Variants in SYT2 observed in about 807,000 individuals in gnomAD.
SYT2 encodes the protein synaptotagmin-2.
Under a neutral mutation model 39.9 loss-of-function variants are expected in SYT2, and 15 were observed. The ratio of observed to expected loss-of-function variants is 0.38; its 90% confidence interval spans 0.25 to 0.58. The LOEUF (loss-of-function observed/expected upper bound fraction) is 0.58. Ranked by LOEUF, SYT2 falls within the 20% of genes least tolerant of loss-of-function variation. The pLI is 0.70. For missense variants in SYT2, 389 were observed against 530.3 expected (o/e 0.73, Z 2.62); for synonymous variants, 181 against 204.5 (o/e 0.89, Z 0.98).
chr1:202,624,874 GTGAT>G (rs1483382504), intron 1 of SYT2, among the ~76,000 whole-genome samples: 2 of 143,980 alleles, frequency 1.4e-5, no homozygotes, highest in Middle Eastern at 4.1e-3. Flanking sequence ...TGGTGTGTGT[GTGAT>G]GTGTGCCTGT....
chr1:202,657,832 G>A (rs952041852), intron 1 of SYT2, among the ~76,000 whole-genome samples: 7 of 150,024 alleles, frequency 4.7e-5, no homozygotes, highest in African/African-American at 7.6e-5. Context: ...AGGGCCCTGC[G>A]GAGAGCTCAG....
intron 1 of SYT2, among the ~76,000 whole-genome samples, chr1:202,680,847 T>C (rs1371946358): frequency 1.3e-5 from 2 of 152,324 alleles, no homozygotes; most frequent in South Asian, 2.1e-4. Flanking sequence ...AGAGCTTGCA[T>C]GTGGATTTCC....
rs1274031561 is a variant in SYT2, at chr1:202,641,691, C to T, written c.-17-35902G>A. Among the ~76,000 whole-genome samples, 7 of 152,258 alleles carry T rather than the reference C, an allele frequency of 4.6e-5. No homozygotes were observed. In the South Asian group the frequency reaches 6.2e-4, roughly 14 times the overall value. ...TATTGTAGTGGAGATCTTTCTAAAA[C>T]GAGACAATTCCTTCAGATCTTCCTT... On this transcript the variant is annotated intron_variant, in intron 1 of 8. Transcript: ENST00000367268.
chr1:202,622,478 A>C (rs1353302868), intron 1 of SYT2, among the ~76,000 whole-genome samples: 1 of 152,188 alleles, frequency 6.6e-6, no homozygotes, highest in East Asian at 1.9e-4. Flanking sequence ...GAGAGTTGGA[A>C]CGTCCTTCTA....
intron 1 of SYT2, among the ~76,000 whole-genome samples, chr1:202,703,160 G>T (rs1654163288): frequency 1.3e-5 from 2 of 152,192 alleles, no homozygotes; most frequent in South Asian, 4.1e-4. Context: ...TCTCTGGGAA[G>T]GTCTTTGGAG....
chr1:202,654,223 A>G (rs528170142), intron 1 of SYT2, among the ~76,000 whole-genome samples: 112 of 152,348 alleles, frequency 7.4e-4, no homozygotes, highest in Non-Finnish European at 1.3e-3. Flanking sequence ...GCTGCTGCTT[A>G]AATGGATGAG....
intron 1 of SYT2, among the ~76,000 whole-genome samples, chr1:202,692,769 G>A (rs1653869700): frequency 6.6e-6 from 1 of 152,150 alleles, no homozygotes; most frequent in Non-Finnish European, 1.5e-5. Flanking sequence ...TCCAAAATTG[G>A]AAAGTTAGGG....
intron 1 of SYT2, among the ~76,000 whole-genome samples, chr1:202,647,517 G>A (rs892855650): frequency 1.7e-4 from 26 of 152,038 alleles, no homozygotes; most frequent in Admixed American, 1.4e-3. Context: ...AGTAGCTGAG[G>A]CTACCTGCCT....
intron 7 of SYT2, 134 bp downstream of exon 7, chr1:202,600,223 C>T: frequency 1.3e-5 from 10 of 750,880 alleles, no homozygotes; most frequent in Non-Finnish European, 2.3e-5. Flanking sequence ...GCTAAGGCTC[C>T]CCCGCTCCTC....
In SYT2 at chr1:202,650,291, C is replaced by T. The variant is rs186353295; in HGVS notation, c.-17-44502G>A. Among the ~76,000 whole-genome samples, 353 of 152,260 alleles carry T rather than the reference C, an allele frequency of 2.3e-3. 3 individuals are homozygous for T. The Middle Eastern group carries it at 0.037, about 16-fold the overall frequency. The stretch of plus-strand genomic sequence containing the variant: ...GGGTGTCCAGCCTGCCTGAGAGGAC[C>T]CCAGAAAGGGTCATGTGCTTGCACG... On this transcript the variant is annotated intron_variant, in intron 1 of 8. Coordinates refer to ENST00000367268, the MANE Select transcript of SYT2 (RefSeq NM_177402.5).
intron 1 of SYT2, among the ~76,000 whole-genome samples, chr1:202,673,101 G>A (rs1306353802): frequency 6.6e-6 from 1 of 152,084 alleles, no homozygotes; most frequent in Non-Finnish European, 1.5e-5. Context: ...CTGGGCTTAT[G>A]GATGGTGTTA....
chr1:202,599,256 CGTT>C lies in SYT2; in HGVS notation c.1012_1014del (p.Asn338del). 6.2e-7 allele frequency: 1 copy of C among 1,612,918 alleles called. No individual in the cohort carries two copies. The highest frequency in any genetic ancestry group is 8.5e-7 in the Non-Finnish European group (1 of 1,179,568). ...AAGGGGATCTCAAAGCTGAAGGACT[CGTT>C]GAAGTATGGGTTCAGGGTCTTCTTC... On this transcript the variant is annotated inframe_deletion, in exon 8 of 9. Transcript: ENST00000367268. The surrounding 1 kb of genome is among the most constrained non-coding windows in gnomAD (Gnocchi z 4.4).
At chr1:202,604,818 C>CTTTTTTTT (rs59944538) in intron 2 of SYT2, among the ~76,000 whole-genome samples, 197 bp from the exon 3 acceptor site, 2 of 71,682 alleles carry the variant, frequency 2.8e-5, no homozygotes, top group African/African-American at 1.1e-4. Context: ...TCATGCCTTG[C>CTTTTTTTT]TTTTTTTTTT....
chr1:202,602,692 T>C (rs1158276085), intron 4 of SYT2, 147 bp from the exon 5 acceptor site: 1 of 811,538 alleles, frequency 1.2e-6, no homozygotes, highest in Non-Finnish European at 1.9e-6. Context: ...GAGAGGAAGA[T>C]TGGTCTCCAT....
rs559469814 is a variant in SYT2 at position 202,596,100 on chromosome 1, T to C, written c.*657A>G. The C allele has an allele frequency of 4.6e-5, 7 of 152,206 alleles. No homozygotes were observed. The East Asian group carries it at 1.2e-3, about 25-fold the overall frequency. 9.4% of individuals were successfully genotyped at this position (152,206 alleles called of 1,614,324 possible). A position where few individuals can be genotyped will look rare whatever the true frequency, so the allele number is the denominator to read the frequency against. On this transcript the variant is annotated 3_prime_UTR_variant, in exon 9 of 9. Coordinates refer to ENST00000367268, the MANE Select transcript of SYT2 (RefSeq NM_177402.5). ...TGAACAGGATCCTGAGACTTTGCCA[T>C]AGATGAGAGAAGATCTCCCACTTAG...
chr1:202,697,847 T>A (rs1654013100), intron 1 of SYT2, among the ~76,000 whole-genome samples: 1 of 152,114 alleles, frequency 6.6e-6, no homozygotes, highest in Admixed American at 6.5e-5. Context: ...CTGGAAAAAA[T>A]AAAATGTTAA....
chr1:202,598,943 C>T (rs1690396538), intron 8 of SYT2, among the ~76,000 whole-genome samples: 1 of 152,146 alleles, frequency 6.6e-6, no homozygotes, highest in Admixed American at 6.5e-5. Flanking sequence ...TTTGCTATAC[C>T]CCCATACATC....
At chr1:202,668,447 A>G (rs967355180) in intron 1 of SYT2, among the ~76,000 whole-genome samples, 1 of 152,236 alleles carries the variant, frequency 6.6e-6, no homozygotes, top group African/African-American at 2.4e-5. Context: ...TAGTTTGTTA[A>G]GAGTGAAAAC....
intron 1 of SYT2, among the ~76,000 whole-genome samples, chr1:202,702,900 C>T (rs1367825440): frequency 6.6e-6 from 1 of 152,224 alleles, no homozygotes; most frequent in East Asian, 1.9e-4. Flanking sequence ...GCCCAAGCCC[C>T]TCTCCAGGCC....
Sources: allele counts gnomAD v4.1 joint callset (sites outside exome capture counted in the v4.1 genomes callset), GRCh38; gene constraint gnomAD v4.1.1; non-coding constraint Gnocchi (gnomAD v3.1); transcripts MANE v1.5; gene names NCBI Gene and HGNC (gene_info 2026-07-23, HGNC 2026-07-21).